Variants in CDYL2 observed in about 807,000 individuals in gnomAD.
The protein encoded by CDYL2 is chromodomain Y like 2, also known as chromodomain Y-like protein 2.
Under a neutral mutation model 49.4 loss-of-function variants are expected in CDYL2, and 23 were observed. The observed-to-expected ratio is 0.47, with a 90% CI of 0.34 to 0.66. The LOEUF (loss-of-function observed/expected upper bound fraction) is 0.66, where lower values mean the gene tolerates loss of function less well. CDYL2 is among the 30% of genes least tolerant of loss of function. The pLI is 0.01. For missense variants in CDYL2, 678 were observed against 656.4 expected, an observed-to-expected ratio of 1.03 and a Z score of -0.36; for synonymous variants, 360 against 268.8, an observed-to-expected ratio of 1.34 and a Z score of -3.32.
chr16:80,668,015 C>T (rs957929666), intron 2 of CDYL2, among the ~76,000 whole-genome samples: 2 of 152,246 alleles, frequency 1.3e-5, no homozygotes, highest in Non-Finnish European at 2.9e-5. Context: ...TGCTCACCCA[C>T]ATTTAGAAAC....
chr16:80,607,422 G>A (rs189509292), intron 6 of CDYL2, among the ~76,000 whole-genome samples: 204 of 152,324 alleles, frequency 1.3e-3, no homozygotes, highest in African/African-American at 4.7e-3. Flanking sequence ...TGTTTCTCAA[G>A]CACAGAGCGA....
intron 1 of CDYL2, among the ~76,000 whole-genome samples, chr16:80,794,669 T>C (rs1221663924): frequency 1.4e-5 from 2 of 138,900 alleles, no homozygotes; most frequent in Non-Finnish European, 3.0e-5. Context: ...TGGAGTGCAA[T>C]GGCGTGATCT....
intron 1 of CDYL2, among the ~76,000 whole-genome samples, chr16:80,699,930 C>T (rs9932187): frequency 0.058 from 8,736 of 151,398 alleles, 435 homozygotes; most frequent in African/African-American, 0.14. Flanking sequence ...TGCAGTGGCG[C>T]GATCTCCGCT....
intron 1 of CDYL2, among the ~76,000 whole-genome samples, chr16:80,750,320 C>T (rs1906087203): frequency 6.8e-6 from 1 of 147,884 alleles, no homozygotes; most frequent in Non-Finnish European, 1.5e-5. Flanking sequence ...CATCTTGTTC[C>T]AAGTAGGATA....
At chr16:80,785,139 A>C (rs1474335218) in intron 1 of CDYL2, among the ~76,000 whole-genome samples, 2 of 152,182 alleles carry the variant, frequency 1.3e-5, no homozygotes, top group Non-Finnish European at 2.9e-5. Context: ...ATGTTCATAA[A>C]GCGTATTCAA....
chr16:80,711,901 C>T (rs914084045), intron 1 of CDYL2, among the ~76,000 whole-genome samples: 3 of 151,724 alleles, frequency 2.0e-5, no homozygotes, highest in African/African-American at 7.3e-5. Context: ...CAACGGGACC[C>T]TGAATTATCC....
At chr16:80,693,866 G>C (rs1215540184) in intron 1 of CDYL2, among the ~76,000 whole-genome samples, 2 of 152,148 alleles carry the variant, frequency 1.3e-5, no homozygotes, top group East Asian at 3.8e-4. Flanking sequence ...GAGGCTCCCA[G>C]GATGGAATGC....
At chr16:80,742,054 T>C (rs1269735206) in intron 1 of CDYL2, 1 of 152,164 alleles carries the variant, frequency 6.6e-6, no homozygotes, top group Non-Finnish European at 1.5e-5. Context: ...TTTAACCCTT[T>C]AAAAAATAAG....
At position 80,604,378 on chromosome 16, in the gene CDYL2, C is replaced by G. The variant is rs373558055; in HGVS notation, c.*10G>C. 2.0e-4 allele frequency: 320 copies of G among 1,613,854 alleles called. No individual in the cohort carries two copies. In the African/African-American group the frequency reaches 3.7e-3, roughly 19 times the overall value. On this transcript the variant is annotated 3_prime_UTR_variant, in exon 7 of 7. Transcript: ENST00000570137. ...GAGCTGGAAGTTGGGGGCCCGTGAG[C>G]TGGGGCCCCTCAGACTTCATAAATT...
At chr16:80,717,894 G>A (rs529603934) in intron 1 of CDYL2, among the ~76,000 whole-genome samples, 1 of 152,350 alleles carries the variant, frequency 6.6e-6, no homozygotes, top group African/African-American at 2.4e-5. Context: ...GTTCGTGGAA[G>A]CAAAAGTAGG....
At chr16:80,636,247 A>G (rs1300080775) in intron 2 of CDYL2, among the ~76,000 whole-genome samples, 1 of 152,246 alleles carries the variant, frequency 6.6e-6, no homozygotes, top group Non-Finnish European at 1.5e-5. Flanking sequence ...ACAGCAAAAG[A>G]AACTATCACG....
chr16:80,786,521 G>A (rs1248130879), intron 1 of CDYL2, among the ~76,000 whole-genome samples: 1 of 152,234 alleles, frequency 6.6e-6, no homozygotes, highest in Non-Finnish European at 1.5e-5. Context: ...CGATGGGAGT[G>A]TAAATCAGTC....
At chr16:80,754,806 T>C (rs1458228760) in intron 1 of CDYL2, among the ~76,000 whole-genome samples, 2 of 152,186 alleles carry the variant, frequency 1.3e-5, no homozygotes, top group East Asian at 3.9e-4. Context: ...GCTCTCTTTC[T>C]TTCTAAAAAA....
chr16:80,697,958 T>A (rs1325146272), intron 1 of CDYL2, among the ~76,000 whole-genome samples: 1 of 152,126 alleles, frequency 6.6e-6, no homozygotes, highest in Non-Finnish European at 1.5e-5. Flanking sequence ...ATTGTTAAAA[T>A]GGCCATACTA....
At chr16:80,697,849 A>G (rs1904282148) in intron 1 of CDYL2, among the ~76,000 whole-genome samples, 1 of 152,142 alleles carries the variant, frequency 6.6e-6, no homozygotes, top group South Asian at 2.1e-4. Context: ...CAAGGAGATG[A>G]AAGATCTCTA....
At chr16:80,791,589 C>G (rs1004956752) in intron 1 of CDYL2, among the ~76,000 whole-genome samples, 10 of 152,140 alleles carry the variant, frequency 6.6e-5, no homozygotes, top group Admixed American at 2.6e-4. Context: ...AACACATAAG[C>G]TGAGATCTGA....
intron 1 of CDYL2, among the ~76,000 whole-genome samples, chr16:80,690,145 T>A (rs2018270): frequency 0.54 from 78,240 of 144,308 alleles, 21,320 homozygotes; most frequent in Middle Eastern, 0.69. Flanking sequence ...AATAAAAAAA[T>A]AAATAGAAAT....
intron 1 of CDYL2, among the ~76,000 whole-genome samples, chr16:80,739,627 C>T (rs553141103): frequency 6.6e-6 from 1 of 152,148 alleles, no homozygotes; most frequent in Admixed American, 6.5e-5. Flanking sequence ...CACTGCCTCC[C>T]AGGAGTGTGC....
intron 1 of CDYL2, among the ~76,000 whole-genome samples, chr16:80,733,306 G>T (rs540459818): frequency 5.9e-5 from 9 of 152,216 alleles, no homozygotes; most frequent in Non-Finnish European, 8.8e-5. Context: ...GTTGCAGCAG[G>T]CTGGGGAGCG....
Sources: gnomAD v4.1 joint callset for allele counts (sites outside exome capture counted in the v4.1 genomes callset) on GRCh38, gnomAD v4.1.1 for gene constraint, MANE v1.5 for transcripts, NCBI Gene and HGNC (gene_info 2026-07-23, HGNC 2026-07-21) for gene names.